The following NEBL variants were observed in gnomAD, a reference collection of about 807,000 sequenced individuals.
NEBL encodes the protein LIM and SH3 protein 2.
NEBL carries 122 observed loss-of-function variants against 140.2 expected under a neutral mutation model. The ratio of observed to expected loss-of-function variants is 0.87; its 90% confidence interval spans 0.75 to 1.01. NEBL has a LOEUF of 1.01. NEBL is among the 50% of genes least tolerant of loss of function. The pLI is 0.00. For synonymous variants in NEBL, 436 were observed against 398.9 expected, an observed-to-expected ratio of 1.09 and a Z score of -1.11; for missense variants, 1,365 against 1,231.3, an observed-to-expected ratio of 1.11 and a Z score of -1.62.
chr10:20,924,346 C>T (rs10508634), intron 4 of NEBL, among the ~76,000 whole-genome samples: 3,276 of 147,218 alleles, frequency 0.022, 50 homozygotes, highest in Non-Finnish European at 0.036. Flanking sequence ...TGCTTTGTAT[C>T]CACACCTTAA....
intron 13 of NEBL, among the ~76,000 whole-genome samples, chr10:20,839,391 A>C (rs1195640477): frequency 6.6e-6 from 1 of 152,130 alleles, no homozygotes; most frequent in African/African-American, 2.4e-5. Context: ...CACAGACCTC[A>C]CCAGGGGCAC....
chr10:20,887,711 C>T (rs1447787351), intron 4 of NEBL, among the ~76,000 whole-genome samples: 1 of 152,186 alleles, frequency 6.6e-6, no homozygotes, highest in Non-Finnish European at 1.5e-5. Flanking sequence ...GCCAGAGTGT[C>T]CAGCCCCATT....
At chr10:21,263,927 T>G (rs1454881972) in intron 1 of NEBL, among the ~76,000 whole-genome samples, 2 of 152,124 alleles carry the variant, frequency 1.3e-5, no homozygotes, top group African/African-American at 4.8e-5. Flanking sequence ...ATCACACCAT[T>G]GCACTCCAGC....
intron 3 of NEBL, among the ~76,000 whole-genome samples, chr10:21,004,591 G>T (rs1248890174): frequency 6.6e-6 from 1 of 152,096 alleles, no homozygotes; most frequent in Admixed American, 6.5e-5. Flanking sequence ...ATGGTGGCAG[G>T]TGCCTGTAGT....
rs559379943 is a variant in NEBL at position 21,095,343 on chromosome 10, A to C, written c.165-75142T>G. On this transcript the variant is annotated intron_variant, in intron 2 of 6. Coordinates refer to the NEBL transcript ENST00000417816. ...GCCTAAGAAAAGCAGATAAAAGATA[A>C]GACGAACATGGTCAGAGTGATGACC... 1.4e-4 allele frequency among the ~76,000 whole-genome samples: 21 copies of C among 152,344 alleles called. No homozygotes were observed. The East Asian group carries it at 3.9e-3, about 28-fold the overall frequency.
chr10:21,246,257 T>C (rs1842515578), intron 3 of NEBL, among the ~76,000 whole-genome samples: 1 of 152,246 alleles, frequency 6.6e-6, no homozygotes. Flanking sequence ...GTGACGCAAC[T>C]AAAACTTCAC....
chr10:20,877,552 G>C (rs1845617827), intron 5 of NEBL, among the ~76,000 whole-genome samples: 1 of 152,174 alleles, frequency 6.6e-6, no homozygotes, highest in African/African-American at 2.4e-5. Flanking sequence ...TGAGCTGTAA[G>C]CTTGCACGTG....
chr10:21,044,429 C>CAAAAAA, intron 2 of NEBL, among the ~76,000 whole-genome samples: 1 of 52,148 alleles, frequency 1.9e-5, no homozygotes, highest in Non-Finnish European at 5.1e-5. Context: ...AAAAAAAAAG[C>CAAAAAA]TCCTAACTGC....
At chr10:21,136,002 G>T (rs1222375273) in intron 2 of NEBL, among the ~76,000 whole-genome samples, 1 of 152,200 alleles carries the variant, frequency 6.6e-6, no homozygotes, top group Admixed American at 6.5e-5. Context: ...CTCAAAGAGA[G>T]GAAGCCCTTC....
chr10:21,076,124 TA>T (rs1412975844), intron 2 of NEBL, among the ~76,000 whole-genome samples: 1 of 152,052 alleles, frequency 6.6e-6, no homozygotes, highest in Non-Finnish European at 1.5e-5. Flanking sequence ...AAAAAAACTG[TA>T]TAGCAATTCC....
chr10:21,135,641 G>C (rs577196967), intron 2 of NEBL, among the ~76,000 whole-genome samples: 1 of 152,260 alleles, frequency 6.6e-6, no homozygotes, highest in East Asian at 1.9e-4. Flanking sequence ...AATCTACTCA[G>C]TGAGTGATTC....
chr10:21,098,168 A>G (rs375023123), intron 2 of NEBL, among the ~76,000 whole-genome samples: 2 of 151,928 alleles, frequency 1.3e-5, no homozygotes, highest in South Asian at 4.2e-4. Flanking sequence ...CCTTTCATGT[A>G]GGAGGATAGC....
chr10:20,793,959 T>G (rs1836253625), intron 26 of NEBL, among the ~76,000 whole-genome samples: 1 of 152,232 alleles, frequency 6.6e-6, no homozygotes, highest in African/African-American at 2.4e-5. Context: ...TGTGGCTCTA[T>G]TTTAAACATG....
intron 2 of NEBL, among the ~76,000 whole-genome samples, chr10:21,122,531 T>C (rs1382385762): frequency 2.0e-5 from 3 of 152,252 alleles, no homozygotes; most frequent in East Asian, 3.9e-4. Flanking sequence ...CCAGAATAAG[T>C]GGCCATGGTG....
intron 4 of NEBL, among the ~76,000 whole-genome samples, chr10:20,935,987 A>C (rs985521017): frequency 1.3e-5 from 2 of 152,218 alleles, no homozygotes; most frequent in African/African-American, 4.8e-5. Flanking sequence ...GCCTTCTAAA[A>C]AATCCAAATA....
chr10:20,905,821 G>T (rs10764289), intron 4 of NEBL, among the ~76,000 whole-genome samples: 1 of 151,962 alleles, frequency 6.6e-6, no homozygotes, highest in Non-Finnish European at 1.5e-5. Flanking sequence ...TCAGCCTCCA[G>T]GATGTCAGGG....
chr10:20,841,794 G>A (rs1430478760), intron 12 of NEBL, among the ~76,000 whole-genome samples: 1 of 151,952 alleles, frequency 6.6e-6, no homozygotes, highest in African/African-American at 2.4e-5. Flanking sequence ...TTCATCTCTT[G>A]GTTCTGTTTT....
chr10:21,170,097 T>G (rs1226280115), intron 2 of NEBL, among the ~76,000 whole-genome samples: 1 of 152,228 alleles, frequency 6.6e-6, no homozygotes, highest in African/African-American at 2.4e-5. Context: ...CAATAAGCAC[T>G]AAATAATTTT....
intron 2 of NEBL, among the ~76,000 whole-genome samples, chr10:21,112,589 G>A (rs1355178481): frequency 6.6e-6 from 1 of 151,450 alleles, no homozygotes; most frequent in Admixed American, 6.6e-5. Context: ...GGGCCTGTCG[G>A]GGGGTGGGGG....
Sources: gnomAD v4.1 joint callset for allele counts (sites outside exome capture counted in the v4.1 genomes callset) on GRCh38, gnomAD v4.1.1 for gene constraint, MANE v1.5 for transcripts, NCBI Gene and HGNC (gene_info 2026-07-23, HGNC 2026-07-21) for gene names.